Variants in ADARB1 observed in about 807,000 individuals in gnomAD.
ADARB1 encodes double-stranded RNA-specific editase 1.
ADARB1 carries 10 observed loss-of-function variants against 52.4 expected under a neutral mutation model. That is an observed-to-expected ratio of 0.19 (90% CI 0.12 to 0.32). The LOEUF (loss-of-function observed/expected upper bound fraction) is 0.32, where lower values mean the gene tolerates loss of function less well. Ranked by LOEUF, ADARB1 falls within the 10% of genes least tolerant of loss-of-function variation. The probability of loss-of-function intolerance (pLI) is 1.00; values close to 1 mark genes in which losing one functional copy is unlikely to be tolerated. For synonymous variants in ADARB1, 349 were observed against 371.1 expected, an observed-to-expected ratio of 0.94 and a Z score of 0.68; for missense variants, 643 against 922.3, an observed-to-expected ratio of 0.70 and a Z score of 3.92.
At chr21:45,193,836 A>C (rs2092360784) in intron 8 of ADARB1, among the ~76,000 whole-genome samples, 1 of 152,220 alleles carries the variant, frequency 6.6e-6, no homozygotes, top group African/African-American at 2.4e-5. Context: ...TAAAGAACTA[A>C]ATAAATGGAG....
chr21:45,107,878 A>G (rs964262509), intron 1 of ADARB1, among the ~76,000 whole-genome samples: 2 of 152,234 alleles, frequency 1.3e-5, no homozygotes, highest in African/African-American at 4.8e-5. Flanking sequence ...CCTGGGCAAC[A>G]TGGCAAAACC....
chr21:45,162,428 A>G (rs555499507), intron 2 of ADARB1, among the ~76,000 whole-genome samples: 2 of 152,282 alleles, frequency 1.3e-5, no homozygotes, highest in South Asian at 4.1e-4. Context: ...CCCCCTTGGC[A>G]GGCATGGGAT....
In ADARB1 at chr21:45,176,025, G is replaced by T; in HGVS notation, c.324G>T (p.Leu108Phe). The T allele has an allele frequency of 6.2e-7, 1 of 1,614,202 alleles. No individual in the cohort carries two copies. ...LSQTGPVHAP[L>F]FVMSVEVNGQ... ...AGACTGGGCCCGTGCACGCGCCTTT[G>T]TTTGTCATGTCTGTGGAGGTGAATG... The change falls in exon 4 of 11, where the codon TTG (leucine) becomes TTT (phenylalanine). Residue 108 changes from leucine to phenylalanine, a missense_variant. Coordinates refer to ENST00000348831, the MANE Select transcript of ADARB1 (RefSeq NM_001112.4). This position sits in a 1 kb window ranked among gnomAD's most constrained non-coding sequence, Gnocchi z 5.8.
chr21:45,177,601 CTATT>C (rs943060638), intron 4 of ADARB1: 1 of 152,210 alleles, frequency 6.6e-6, no homozygotes, highest in Non-Finnish European at 1.5e-5. Flanking sequence ...TTTTGACCCT[CTATT>C]CATTTATTAC....
At chr21:45,180,225 G>C in intron 4 of ADARB1, 105 bp from the exon 5 acceptor site, 2 of 774,560 alleles carry the variant, frequency 2.6e-6, no homozygotes. Flanking sequence ...CAGATGAGAA[G>C]CAGCCTGTGT....
chr21:45,078,752 C>A (rs1344781292), intron 1 of ADARB1, among the ~76,000 whole-genome samples: 1 of 152,156 alleles, frequency 6.6e-6, no homozygotes, highest in African/African-American at 2.4e-5. Context: ...CTTAAGGGAG[C>A]CTTTCTTCCT....
At chr21:45,197,036 A>T (rs1228732287) in intron 8 of ADARB1, among the ~76,000 whole-genome samples, 1 of 152,154 alleles carries the variant, frequency 6.6e-6, no homozygotes, top group Non-Finnish European at 1.5e-5. Context: ...TACTAAAAAT[A>T]CAAGTATTAG....
Position 45,225,002 on chromosome 21 carries a change from C to T in ADARB1, c.*2805C>T. On this transcript the variant is annotated 3_prime_UTR_variant, in exon 11 of 11. Coordinates refer to ENST00000348831, the MANE Select transcript of ADARB1 (RefSeq NM_001112.4). ...GCAGAAAATTCGACACAAGCAGGAA[C>T]TTGATTTTTTAAGAAAAAATATTAC... The T allele has an allele frequency of 2.8e-5, 28 of 985,390 alleles. No individual in the cohort carries two copies. Among genetic ancestry groups the T allele is most frequent in the Non-Finnish European group, 3.3e-5 (27 of 829,950 alleles). 61.0% of individuals were successfully genotyped at this position (985,390 alleles called of 1,614,324 possible).
Position 45,171,614 on chromosome 21 carries a change from A to G in ADARB1, c.-43A>G. On this transcript the variant is annotated 5_prime_UTR_variant, in exon 3 of 11. Coordinates refer to ENST00000348831, the MANE Select transcript of ADARB1 (RefSeq NM_001112.4). ...TATTTTCTTACTGTCTTTCAGACAG[A>G]AACAGTCTCCGCCAGTCAAGAAACC... 6.2e-7 allele frequency: 1 copy of G among 1,606,002 alleles called. No individual in the cohort carries two copies. Among genetic ancestry groups the G allele is most frequent in the Non-Finnish European group, 8.5e-7 (1 of 1,173,010 alleles).
rs1434227250 is a variant in ADARB1 at position 45,172,112 on chromosome 21, A to G, written c.28+428A>G. Among the ~76,000 whole-genome samples, 1 of 152,186 alleles carries G rather than the reference A, an allele frequency of 6.6e-6. No individual in the cohort carries two copies. The highest frequency in any genetic ancestry group is 1.5e-5 in the Non-Finnish European group (1 of 68,040). Reference sequence around the variant, plus strand: ...CCTTCAAAATGCAGGTTCTCGCTGCATTTTGAAGGAAGGGGATTCACACGT... The same window carrying G: ...CCTTCAAAATGCAGGTTCTCGCTGCGTTTTGAAGGAAGGGGATTCACACGT... On this transcript the variant is annotated intron_variant, in intron 3 of 10. Transcript: ENST00000348831. This position sits in a 1 kb window ranked among gnomAD's most constrained non-coding sequence, Gnocchi z 4.4.
chr21:45,221,887 C>T lies in ADARB1; in HGVS notation c.1927-131C>T, dbSNP rs112186079. 4 of 948,256 alleles carry T rather than the reference C, an allele frequency of 4.2e-6. No homozygotes were observed. Among genetic ancestry groups the T allele is most frequent in the East Asian group, 2.7e-5 (1 of 37,556 alleles). 58.7% of individuals were successfully genotyped at this position (948,256 alleles called of 1,614,324 possible). A position where few individuals can be genotyped will look rare whatever the true frequency, so the allele number is the denominator to read the frequency against. ...GTGAAGCCGTTCCCTTGGCAGAAGG[C>T]GCCTTCCTCTGGGTTGCTTTCCCCC... is the stretch of plus-strand genomic sequence containing the variant. On this transcript the variant is annotated intron_variant, in intron 10 of 10. Transcript: ENST00000348831. This position sits in a 1 kb window ranked among gnomAD's most constrained non-coding sequence, Gnocchi z 4.9.
At chr21:45,105,558 G>A (rs451550) in intron 1 of ADARB1, among the ~76,000 whole-genome samples, 144,131 of 152,330 alleles carry the variant, frequency 0.95, 68,234 homozygotes, top group East Asian at 0.98. Flanking sequence ...TCAGATCACA[G>A]TTAACTGAAT....
intron 1 of ADARB1, among the ~76,000 whole-genome samples, chr21:45,105,006 A>G (rs1450172307): frequency 2.0e-5 from 3 of 152,232 alleles, no homozygotes; most frequent in Non-Finnish European, 4.4e-5. Flanking sequence ...GGAGACAAGG[A>G]TGGCATGTGA....
chr21:45,139,711 T>G (rs957422812), intron 2 of ADARB1, among the ~76,000 whole-genome samples: 2 of 152,230 alleles, frequency 1.3e-5, no homozygotes, highest in African/African-American at 2.4e-5. Flanking sequence ...CGTGTTCTCT[T>G]GTTGAGAGGG....
chr21:45,116,709 G>A (rs1819313039), intron 1 of ADARB1, among the ~76,000 whole-genome samples: 1 of 152,120 alleles, frequency 6.6e-6, no homozygotes, highest in Non-Finnish European at 1.5e-5. Flanking sequence ...AGCAAAATGG[G>A]GAAAAGCCCC....
At chr21:45,099,320 G>T (rs1370917068) in intron 1 of ADARB1, among the ~76,000 whole-genome samples, 1 of 152,130 alleles carries the variant, frequency 6.6e-6, no homozygotes, top group Non-Finnish European at 1.5e-5. Flanking sequence ...CTAGTATACA[G>T]CCTGTTAAAT....
At chr21:45,126,471 C>G (rs2088589667) in intron 1 of ADARB1, among the ~76,000 whole-genome samples, 2 of 152,202 alleles carry the variant, frequency 1.3e-5, no homozygotes, top group South Asian at 4.1e-4. Flanking sequence ...TATTGCGCCC[C>G]TACTGTGATC....
At chr21:45,151,030 A>C (rs2090258856) in intron 2 of ADARB1, among the ~76,000 whole-genome samples, 1 of 152,140 alleles carries the variant, frequency 6.6e-6, no homozygotes, top group Non-Finnish European at 1.5e-5. Context: ...TCAGGCAGAG[A>C]GAGAGAGCAC....
chr21:45,118,952 C>T (rs545474948), intron 1 of ADARB1, among the ~76,000 whole-genome samples: 2 of 152,316 alleles, frequency 1.3e-5, no homozygotes, highest in East Asian at 1.9e-4. Flanking sequence ...TGCTAAATCC[C>T]TCTGTAAATT....
Sources: allele counts gnomAD v4.1 joint callset (sites outside exome capture counted in the v4.1 genomes callset), GRCh38; gene constraint gnomAD v4.1.1; non-coding constraint Gnocchi (gnomAD v3.1); transcripts MANE v1.5; gene names NCBI Gene and HGNC (gene_info 2026-07-23, HGNC 2026-07-21).